CWC27: variants seen among roughly 807,000 people sequenced by gnomAD.
CWC27 encodes spliceosome-associated protein CWC27 homolog.
A neutral mutation model predicts 63.6 loss-of-function variants in CWC27; 47 were observed. That is an observed-to-expected ratio of 0.74 (90% CI 0.58 to 0.94). The LOEUF (loss-of-function observed/expected upper bound fraction) is 0.94, where lower values mean the gene tolerates loss of function less well. Among genes scored for constraint, CWC27 ranks in the 40% least tolerant of loss-of-function variants. The pLI is 0.00. For synonymous variants in CWC27, 175 were observed against 179.8 expected (o/e 0.97, Z 0.22); for missense variants, 495 against 554.3 (o/e 0.89, Z 1.07).
chr5:64,974,474 G>A (rs988331307), intron 12 of CWC27, among the ~76,000 whole-genome samples: 10 of 152,176 alleles, frequency 6.6e-5, no homozygotes, highest in African/African-American at 2.4e-4. Context: ...AAACCCATCA[G>A]ATCTTGTGAG....
intron 11 of CWC27, among the ~76,000 whole-genome samples, chr5:64,968,831 T>A (rs950210473): frequency 1.1e-4 from 16 of 152,232 alleles, no homozygotes; most frequent in Non-Finnish European, 1.2e-4. Flanking sequence ...AGTTTTACTA[T>A]ATGTAATGCC....
At chr5:64,892,132 T>A (rs1747253902) in intron 11 of CWC27, among the ~76,000 whole-genome samples, 1 of 152,148 alleles carries the variant, frequency 6.6e-6, no homozygotes, top group Non-Finnish European at 1.5e-5. Flanking sequence ...GTATTTAGGA[T>A]ATCTCTCTGC....
At chr5:64,997,636 A>C (rs1370019232) in intron 13 of CWC27, among the ~76,000 whole-genome samples, 1 of 152,136 alleles carries the variant, frequency 6.6e-6, no homozygotes, top group African/African-American at 2.4e-5. Flanking sequence ...CCATTCTGAG[A>C]TAAAAAAATT....
chr5:64,912,657 A>G (rs1320176411), intron 11 of CWC27, among the ~76,000 whole-genome samples: 1 of 152,204 alleles, frequency 6.6e-6, no homozygotes, highest in Admixed American at 6.5e-5. Context: ...AGAAAAAACA[A>G]TGTGCAGATA....
Position 64,898,793 on chromosome 5 carries a change from G to GT in CWC27, c.1042+13254dup, listed in dbSNP as rs547825737. Among the ~76,000 whole-genome samples the GT allele has an allele frequency of 2.7e-3, 409 of 152,140 alleles. 2 individuals carry two copies. Among genetic ancestry groups the GT allele is most frequent in the African/African-American group, 9.4e-3 (392 of 41,500 alleles). On this transcript the variant is annotated intron_variant, in intron 11 of 13. Coordinates refer to ENST00000381070, the MANE Select transcript of CWC27 (RefSeq NM_005869.4). ...GACCAGCAGGTATTTAAGGACCCAA[G>GT]TTTTTTTCATTTTTGTCTTTTTGGC...
At chr5:64,987,318 C>T (rs959090297) in intron 13 of CWC27, among the ~76,000 whole-genome samples, 3 of 152,130 alleles carry the variant, frequency 2.0e-5, no homozygotes, top group African/African-American at 7.2e-5. Context: ...AATATTTTAT[C>T]ATTTCAAGAC....
chr5:64,973,607 C>T (rs1749166927), intron 12 of CWC27, among the ~76,000 whole-genome samples: 1 of 152,170 alleles, frequency 6.6e-6, no homozygotes, highest in Admixed American at 6.5e-5. Context: ...AAATGTGTCC[C>T]ATTATTTTTG....
chr5:64,915,212 G>T (rs1367879876), intron 11 of CWC27, among the ~76,000 whole-genome samples: 1 of 152,064 alleles, frequency 6.6e-6, no homozygotes, highest in Admixed American at 6.6e-5. Context: ...CACTGACTTG[G>T]TGTTCAAATA....
chr5:64,877,424 G>T (rs73105235), intron 10 of CWC27, among the ~76,000 whole-genome samples: 1 of 151,986 alleles, frequency 6.6e-6, no homozygotes, highest in East Asian at 1.9e-4. Context: ...TGTGTGTTGG[G>T]GGGGATGAAG....
chr5:64,941,385 T>A (rs1439688437), intron 11 of CWC27, among the ~76,000 whole-genome samples: 1 of 152,188 alleles, frequency 6.6e-6, no homozygotes, highest in Non-Finnish European at 1.5e-5. Context: ...CTTTCCATAT[T>A]TAACTTTGTT....
intron 11 of CWC27, among the ~76,000 whole-genome samples, chr5:64,937,825 T>A (rs187402448): frequency 6.6e-6 from 1 of 152,312 alleles, no homozygotes; most frequent in East Asian, 1.9e-4. Flanking sequence ...TCTTATTGCA[T>A]TGATCCCTTT....
chr5:64,897,581 A>T (rs758988894), intron 11 of CWC27, among the ~76,000 whole-genome samples: 2 of 152,110 alleles, frequency 1.3e-5, no homozygotes, highest in African/African-American at 4.8e-5. Context: ...ATCACACACC[A>T]GGGTCGGTCA....
At position 64,970,906 on chromosome 5, in the gene CWC27, A is replaced by G. The variant is rs183803824; in HGVS notation, c.1043-797A>G. Among the ~76,000 whole-genome samples the G allele has an allele frequency of 7.8e-4, 118 of 152,044 alleles. 3 individuals carry two copies. The East Asian group carries it at 0.021, about 27-fold the overall frequency. On this transcript the variant is annotated intron_variant, in intron 11 of 13. Coordinates refer to ENST00000381070, the MANE Select transcript of CWC27 (RefSeq NM_005869.4). ...ACAGATTACTAGCATTCTTGATTAC[A>G]TCTGGCTTATCGTTTGTCTTCCAGC... is the stretch of plus-strand genomic sequence containing the variant.
At chr5:64,998,403 A>C (rs17809571) in intron 13 of CWC27, among the ~76,000 whole-genome samples, 31,999 of 152,052 alleles carry the variant, frequency 0.21, 3,840 homozygotes, top group South Asian at 0.35. Context: ...AAGGCTCTTA[A>C]ATCTTTCCAC....
intron 10 of CWC27, among the ~76,000 whole-genome samples, chr5:64,826,424 C>G (rs1211365251): frequency 6.6e-6 from 1 of 152,114 alleles, no homozygotes; most frequent in Non-Finnish European, 1.5e-5. Context: ...TATAGTGAAT[C>G]TTGGTGTATG....
intron 11 of CWC27, among the ~76,000 whole-genome samples, chr5:64,903,816 T>TAA (rs1172773897): frequency 6.6e-6 from 1 of 152,226 alleles, no homozygotes; most frequent in African/African-American, 2.4e-5. Flanking sequence ...CACCCATTAT[T>TAA]AATATCGTGC....
chr5:64,784,720 T>G (rs1233200667), intron 4 of CWC27, among the ~76,000 whole-genome samples: 1 of 152,190 alleles, frequency 6.6e-6, no homozygotes, highest in East Asian at 1.9e-4. Flanking sequence ...TTAAAACTCT[T>G]GAAAAACACT....
intron 12 of CWC27, among the ~76,000 whole-genome samples, chr5:64,974,377 T>TCA (rs539391941): frequency 2.9e-4 from 44 of 152,162 alleles, no homozygotes; most frequent in Non-Finnish European, 5.4e-4. Context: ...TGAGGAGGTC[T>TCA]CACAATCATG....
At chr5:65,011,952 G>A (rs1057462312) in intron 13 of CWC27, among the ~76,000 whole-genome samples, 5 of 152,154 alleles carry the variant, frequency 3.3e-5, no homozygotes, top group South Asian at 4.1e-4. Context: ...TTTATAGGGG[G>A]AATTAATGCT....
Sources: gnomAD v4.1 joint callset for allele counts (sites outside exome capture counted in the v4.1 genomes callset) on GRCh38, gnomAD v4.1.1 for gene constraint, MANE v1.5 for transcripts, NCBI Gene and HGNC (gene_info 2026-07-23, HGNC 2026-07-21) for gene names.